CTNNA2: variants seen among roughly 807,000 people sequenced by gnomAD.
CTNNA2 encodes the protein catenin alpha 2.
In CTNNA2, 42 loss-of-function variants were observed where a neutral mutation model predicts 101.0. The ratio of observed to expected loss-of-function variants is 0.42; its 90% CI spans 0.32 to 0.54. CTNNA2 has a LOEUF of 0.54. Ranked by LOEUF, CTNNA2 falls within the 20% of genes least tolerant of loss-of-function variation. The pLI is 0.14. For missense variants in CTNNA2, 871 were observed against 1,223.1 expected, an observed-to-expected ratio of 0.71 and a Z score of 4.29; for synonymous variants, 450 against 456.4, an observed-to-expected ratio of 0.99 and a Z score of 0.18.
intron 2 of CTNNA2, among the ~76,000 whole-genome samples, chr2:79,289,840 A>T (rs1675746262): frequency 6.6e-6 from 1 of 152,246 alleles, no homozygotes; most frequent in South Asian, 2.1e-4. Flanking sequence ...ATGACATTAC[A>T]TCCAATATAA....
chr2:80,383,756 C>CT lies in CTNNA2; in HGVS notation c.1057-9454dup, dbSNP rs1337559851. Among the ~76,000 whole-genome samples, 14 of 151,678 alleles carry CT rather than the reference C, an allele frequency of 9.2e-5. No homozygotes were observed. In the East Asian group the frequency reaches 2.7e-3, roughly 29 times the overall value. The stretch of plus-strand genomic sequence containing the variant: ...GAAGGGGAGACCAGATTCTGAAGCC[C>CT]TAACATACAGGCCCAAGAAAAAAAA... On this transcript the variant is annotated intron_variant, in intron 7 of 18. Coordinates refer to ENST00000402739, the MANE Select transcript of CTNNA2 (RefSeq NM_001282597.3).
chr2:80,493,824 A>G (rs906757118), intron 9 of CTNNA2, among the ~76,000 whole-genome samples: 27 of 152,210 alleles, frequency 1.8e-4, no homozygotes, highest in African/African-American at 6.3e-4. Flanking sequence ...TGTAAAGGAC[A>G]TTTGGGTGGT....
chr2:79,581,515 ACT>A (rs1676145704), intron 1 of CTNNA2, among the ~76,000 whole-genome samples: 1 of 151,698 alleles, frequency 6.6e-6, no homozygotes, highest in East Asian at 1.9e-4. Flanking sequence ...ACAGAGGAAG[ACT>A]CTATCTCAAA....
chr2:79,384,003 G>A (rs1678069680), intron 4 of CTNNA2, among the ~76,000 whole-genome samples: 1 of 152,200 alleles, frequency 6.6e-6, no homozygotes, highest in African/African-American at 2.4e-5. Flanking sequence ...GTGGTCTGAA[G>A]AGTGGGAAGG....
At chr2:79,759,295 G>A (rs541506950) in intron 3 of CTNNA2, among the ~76,000 whole-genome samples, 97 of 152,114 alleles carry the variant, frequency 6.4e-4, no homozygotes, top group African/African-American at 1.3e-3. Flanking sequence ...AGAGAGGCTG[G>A]GGCAGGAGGA....
chr2:80,380,398 A>G (rs1676411278), intron 7 of CTNNA2, among the ~76,000 whole-genome samples: 3 of 152,124 alleles, frequency 2.0e-5, no homozygotes, highest in African/African-American at 7.2e-5. Flanking sequence ...GGGAGGAACA[A>G]CTGAGAAACT....
chr2:80,248,852 C>T (rs1671543022), intron 7 of CTNNA2, among the ~76,000 whole-genome samples: 1 of 152,184 alleles, frequency 6.6e-6, no homozygotes, highest in African/African-American at 2.4e-5. Flanking sequence ...TTTAATTATT[C>T]AGTAAGTTAA....
At chr2:79,737,827 T>C (rs564420854) in intron 2 of CTNNA2, among the ~76,000 whole-genome samples, 14 of 152,270 alleles carry the variant, frequency 9.2e-5, no homozygotes, top group African/African-American at 3.1e-4. Context: ...GTCACAAGTC[T>C]CAGGTCCTTC....
At chr2:79,410,441 T>G (rs2861842) in intron 4 of CTNNA2, among the ~76,000 whole-genome samples, 56,107 of 151,312 alleles carry the variant, frequency 0.37, 10,544 homozygotes, top group South Asian at 0.49. Flanking sequence ...TGTGGGTTTG[T>G]CATAGATAGC....
intron 7 of CTNNA2, among the ~76,000 whole-genome samples, chr2:80,380,668 C>T (rs1343261813): frequency 6.6e-6 from 1 of 152,180 alleles, no homozygotes; most frequent in Non-Finnish European, 1.5e-5. Context: ...TTCCCTACAG[C>T]TGGCCTGCAG....
intron 9 of CTNNA2, among the ~76,000 whole-genome samples, chr2:80,519,484 GT>G (rs1175411313): frequency 6.6e-6 from 1 of 152,116 alleles, no homozygotes. Context: ...CCCCCTTCTA[GT>G]TTTCACATCA....
chr2:80,447,822 G>A (rs1251639114), intron 9 of CTNNA2, among the ~76,000 whole-genome samples: 1 of 152,192 alleles, frequency 6.6e-6, no homozygotes. Context: ...GTGGAAGGTG[G>A]GAGGGTGGAG....
At chr2:80,473,393 A>G (rs755627303) in intron 9 of CTNNA2, among the ~76,000 whole-genome samples, 4 of 152,194 alleles carry the variant, frequency 2.6e-5, no homozygotes, top group Non-Finnish European at 4.4e-5. Flanking sequence ...GGCTTTTTCT[A>G]AAATGTCGAT....
At chr2:79,724,732 G>A (rs564795857) in intron 2 of CTNNA2, among the ~76,000 whole-genome samples, 28 of 148,110 alleles carry the variant, frequency 1.9e-4, no homozygotes, top group Non-Finnish European at 3.3e-4. Flanking sequence ...GGAGAATGGC[G>A]TGAACCTGGG....
At chr2:79,604,667 G>T (rs1354960922) in intron 1 of CTNNA2, among the ~76,000 whole-genome samples, 2 of 152,176 alleles carry the variant, frequency 1.3e-5, no homozygotes, top group Non-Finnish European at 2.9e-5. Flanking sequence ...CACTCAAAAG[G>T]ATTAGAAGGG....
At chr2:79,537,462 G>T (rs1673142868) in intron 1 of CTNNA2, among the ~76,000 whole-genome samples, 1 of 152,086 alleles carries the variant, frequency 6.6e-6, no homozygotes, top group Non-Finnish European at 1.5e-5. Flanking sequence ...TGCTTGGGGT[G>T]TTCATTTTTC....
At chr2:80,170,669 T>A (rs1426490430) in intron 7 of CTNNA2, among the ~76,000 whole-genome samples, 2 of 152,224 alleles carry the variant, frequency 1.3e-5, no homozygotes, top group Non-Finnish European at 2.9e-5. Context: ...TGAAATAATA[T>A]GCAAATGATA....
At chr2:80,144,638 T>C (rs1703218679) in intron 7 of CTNNA2, among the ~76,000 whole-genome samples, 1 of 152,182 alleles carries the variant, frequency 6.6e-6, no homozygotes, top group South Asian at 2.1e-4. Flanking sequence ...GTGTCCATTG[T>C]TATTTTTCAC....
chr2:79,841,123 G>C lies in CTNNA2; in HGVS notation c.299-16890G>C, dbSNP rs553499916. On this transcript the variant is annotated intron_variant, in intron 3 of 18. Coordinates refer to ENST00000402739, the MANE Select transcript of CTNNA2 (RefSeq NM_001282597.3). ...GCATGTAAGCATGTTTGGAGACAGG[G>C]TCTTGCTCTGTTGCTCAGGCTGGAG... Among the ~76,000 whole-genome samples, 9 of 152,282 alleles carry C rather than the reference G, an allele frequency of 5.9e-5. No homozygotes were observed. In the South Asian group the frequency reaches 1.9e-3, roughly 32 times the overall value.
Sources: allele counts gnomAD v4.1 joint callset (sites outside exome capture counted in the v4.1 genomes callset), GRCh38; gene constraint gnomAD v4.1.1; transcripts MANE v1.5; gene names NCBI Gene and HGNC (gene_info 2026-07-23, HGNC 2026-07-21).